Variants in LARP4B observed in about 807,000 individuals in gnomAD.
LARP4B encodes La ribonucleoprotein 4B.
A neutral mutation model predicts 89.8 loss-of-function variants in LARP4B; 12 were observed. That is an observed-to-expected ratio of 0.13 (90% confidence interval 0.09 to 0.22). The LOEUF is 0.22. Ranked by LOEUF, LARP4B falls within the 10% of genes least tolerant of loss-of-function variation. The pLI, the probability that LARP4B is intolerant of heterozygous loss-of-function variation, is 1.00. For synonymous variants in LARP4B, 367 were observed against 363.3 expected, an observed-to-expected ratio of 1.01 and a Z score of -0.12; for missense variants, 757 against 947.7, an observed-to-expected ratio of 0.80 and a Z score of 2.64.
intron 1 of LARP4B, among the ~76,000 whole-genome samples, chr10:897,716 A>G (rs12240651): frequency 0.16 from 23,990 of 152,104 alleles, 2,052 homozygotes; most frequent in Non-Finnish European, 0.19. Context: ...AGCCCAGCGC[A>G]GTGGCTCACA....
intron 5 of LARP4B, among the ~76,000 whole-genome samples, chr10:857,465 C>T (rs1318391003): frequency 6.6e-6 from 1 of 152,150 alleles, no homozygotes; most frequent in South Asian, 2.1e-4. Flanking sequence ...ATGAAGGCCT[C>T]AGAAACAAAA....
At chr10:854,946 C>A (rs970913087) in intron 5 of LARP4B, among the ~76,000 whole-genome samples, 11 of 152,220 alleles carry the variant, frequency 7.2e-5, no homozygotes, top group African/African-American at 2.2e-4. Flanking sequence ...TTACCCAGAT[C>A]TTCTGGATAA....
At chr10:842,173 A>C (rs1833553360) in intron 7 of LARP4B, among the ~76,000 whole-genome samples, 1 of 152,136 alleles carries the variant, frequency 6.6e-6, no homozygotes, top group Non-Finnish European at 1.5e-5. Flanking sequence ...GCCAAACTTC[A>C]AAGAAACAAC....
intron 1 of LARP4B, among the ~76,000 whole-genome samples, chr10:887,116 G>A (rs1368675568): frequency 6.6e-6 from 1 of 151,990 alleles, no homozygotes; most frequent in African/African-American, 2.4e-5. Flanking sequence ...ACACAAAATG[G>A]TGACTACCAG....
chr10:963,982 G>C, the LARP4B span, among the ~76,000 whole-genome samples: 8 of 152,194 alleles, frequency 5.3e-5, no homozygotes, highest in Non-Finnish European at 1.0e-4. Flanking sequence ...GGAGAATGTG[G>C]TAAGTTCCAT....
intron 4 of LARP4B, 86 bp from the exon 5 acceptor site, chr10:863,969 TTC>T: frequency 6.4e-7 from 1 of 1,553,662 alleles, no homozygotes; most frequent in Middle Eastern, 1.8e-4. Flanking sequence ...GTGACTCAAC[TTC>T]TTTAGACTGT....
chr10:854,166 C>T (rs1361954068), intron 5 of LARP4B, among the ~76,000 whole-genome samples: 2 of 152,180 alleles, frequency 1.3e-5, no homozygotes, highest in Non-Finnish European at 2.9e-5. Context: ...TATTTTCAGG[C>T]TGTACTTCTG....
intron 1 of LARP4B, among the ~76,000 whole-genome samples, chr10:915,832 CAAAAA>C (rs71297915): frequency 4.0e-5 from 3 of 75,146 alleles, no homozygotes; most frequent in African/African-American, 5.4e-5. Context: ...GACTCCGCCT[CAAAAA>C]AAAAAAAAAA....
At chr10:966,490 CTT>C in the LARP4B span, among the ~76,000 whole-genome samples, 1 of 152,194 alleles carries the variant, frequency 6.6e-6, no homozygotes, top group Admixed American at 6.5e-5. Context: ...TGGCACAAGC[CTT>C]TGAGGACAAA....
At chr10:959,425 GTC>G in the LARP4B span, among the ~76,000 whole-genome samples, 2 of 55,100 alleles carry the variant, frequency 3.6e-5, 1 homozygote, top group Non-Finnish European at 6.8e-5. Flanking sequence ...CCACCTCCCC[GTC>G]AATCCACCTC....
At chr10:951,502 C>T in the LARP4B span, among the ~76,000 whole-genome samples, 230 of 152,034 alleles carry the variant, frequency 1.5e-3, 2 homozygotes, top group Non-Finnish European at 6.5e-4. Context: ...GCCGAGATCG[C>T]GCCACTGCAC....
In LARP4B at chr10:810,268, C is replaced by T. The variant is rs1831696087; in HGVS notation, c.*2658G>A. The T allele has an allele frequency of 6.6e-6, 1 of 152,064 alleles. No homozygotes were observed. Among genetic ancestry groups the T allele is most frequent in the Non-Finnish European group, 1.5e-5 (1 of 68,022 alleles). 9.4% of individuals were successfully genotyped at this position (152,064 alleles called of 1,614,324 possible). On this transcript the variant is annotated 3_prime_UTR_variant, in exon 18 of 18. Transcript: ENST00000316157. ...GCCACAGCTTCCTATTATGATAACT[C>T]TCATTTTCTTCTGAGCAGAAACTCT... is the stretch of plus-strand genomic sequence containing the variant.
At position 865,471 on chromosome 10, in the gene LARP4B, C is replaced by T. The variant is rs144372960; in HGVS notation, c.142-1201G>A. ...TGCAGCCACAGCGCCCTCCTGTGCT[C>T]ACTGCTCCCTGGCCTTGTCCATTTC... On this transcript the variant is annotated intron_variant, in intron 3 of 17. Coordinates refer to ENST00000316157, the MANE Select transcript of LARP4B (RefSeq NM_015155.3). 4.7e-3 allele frequency among the ~76,000 whole-genome samples: 718 copies of T among 152,290 alleles called. 5 individuals are homozygous for T. The highest frequency in any genetic ancestry group is 8.1e-3 in the Non-Finnish European group (552 of 68,012).
At chr10:945,730 G>A in the LARP4B span, among the ~76,000 whole-genome samples, 1 of 152,036 alleles carries the variant, frequency 6.6e-6, no homozygotes, top group Admixed American at 6.6e-5. Context: ...TATGTGTTAG[G>A]AACTGAATGT....
chr10:904,766 T>C (rs1836443669), intron 1 of LARP4B, among the ~76,000 whole-genome samples: 1 of 152,144 alleles, frequency 6.6e-6, no homozygotes, highest in East Asian at 1.9e-4. Flanking sequence ...GAGCACATCA[T>C]TTCCTCACTG....
chr10:931,194 T>C (rs1830593723), intron 1 of LARP4B, among the ~76,000 whole-genome samples: 1 of 139,200 alleles, frequency 7.2e-6, no homozygotes, highest in Non-Finnish European at 1.6e-5. Flanking sequence ...AGCCCCGGCT[T>C]TTTCCTGGCC....
At chr10:875,896 T>TA (rs1276157854) in intron 3 of LARP4B, among the ~76,000 whole-genome samples, 2 of 152,248 alleles carry the variant, frequency 1.3e-5, no homozygotes, top group African/African-American at 4.8e-5. Flanking sequence ...ATGCAAAAAA[T>TA]ACTCATTCCA....
intron 11 of LARP4B, 88 bp downstream of exon 11, chr10:829,297 C>T: frequency 4.5e-6 from 5 of 1,122,434 alleles, no homozygotes; most frequent in Non-Finnish European, 6.3e-6. Flanking sequence ...GCACACATAT[C>T]TGGCTTCCTA....
At chr10:873,812 T>C (rs1047508743) in intron 3 of LARP4B, among the ~76,000 whole-genome samples, 5 of 152,242 alleles carry the variant, frequency 3.3e-5, no homozygotes, top group African/African-American at 1.2e-4. Flanking sequence ...CATGCTGAAG[T>C]ATCTGGGATA....
Sources: allele counts gnomAD v4.1 joint callset (sites outside exome capture counted in the v4.1 genomes callset), GRCh38; gene constraint gnomAD v4.1.1; transcripts MANE v1.5; gene names NCBI Gene and HGNC (gene_info 2026-07-23, HGNC 2026-07-21).